RELN: variants seen among roughly 807,000 people sequenced by gnomAD.
The protein encoded by RELN is reelin.
RELN carries 108 observed loss-of-function variants against 427.6 expected under a neutral mutation model. That is an observed-to-expected ratio of 0.25 (90% CI 0.22 to 0.30). The LOEUF (loss-of-function observed/expected upper bound fraction) is 0.30, where lower values mean the gene tolerates loss of function less well. Among genes scored for constraint, RELN ranks in the 10% least tolerant of loss-of-function variants. The pLI is 1.00. For missense variants in RELN, 3,715 were observed against 4,302.8 expected (o/e 0.86, Z 3.82); for synonymous variants, 1,524 against 1,513.4 (o/e 1.01, Z -0.16).
At chr7:103,485,456 C>A (rs1828403154) in intron 61 of RELN, among the ~76,000 whole-genome samples, 1 of 152,154 alleles carries the variant, frequency 6.6e-6, no homozygotes, top group African/African-American at 2.4e-5. Context: ...ATTCTCATAG[C>A]TACTGAACAC....
At chr7:103,845,490 C>T (rs1199206110) in intron 2 of RELN, among the ~76,000 whole-genome samples, 1 of 152,214 alleles carries the variant, frequency 6.6e-6, no homozygotes, top group African/African-American at 2.4e-5. Flanking sequence ...CCACTCTCAA[C>T]ATTGTGGTTG....
rs1381921892 is a variant in RELN, at chr7:103,486,348, C to G, written c.9832G>C (p.Val3278Leu). 3.1e-6 allele frequency: 5 copies of G among 1,614,068 alleles called. No individual in the cohort carries two copies. The highest frequency in any genetic ancestry group is 3.3e-5 in the Admixed American group (2 of 60,000). The change falls in exon 61 of 65, where the codon GTC becomes CTC. Residue 3278 changes from valine to leucine, a missense_variant. Coordinates refer to ENST00000428762, the MANE Select transcript of RELN (RefSeq NM_005045.4). ...YIKDNFESAR[V>L]TEANWETIQG... ...ATGGTCTCCCAGTTTGCCTCGGTGA[C>G]TCTTGCGGACTCAAAATTATCTTTA...
chr7:103,972,947 T>C (rs1037306339), intron 1 of RELN, among the ~76,000 whole-genome samples: 11 of 150,156 alleles, frequency 7.3e-5, no homozygotes, highest in Admixed American at 6.0e-4. Flanking sequence ...AAAAACTTTA[T>C]GATTGACACC....
intron 2 of RELN, among the ~76,000 whole-genome samples, chr7:103,845,270 A>G (rs1021054577): frequency 6.6e-6 from 1 of 152,056 alleles, no homozygotes; most frequent in African/African-American, 2.4e-5. Context: ...GGCTCACTGC[A>G]ACCTCTGCTT....
intron 28 of RELN, among the ~76,000 whole-genome samples, chr7:103,585,235 A>G (rs1337183515): frequency 6.6e-6 from 1 of 152,192 alleles, no homozygotes; most frequent in Non-Finnish European, 1.5e-5. Flanking sequence ...ATTGAAACCA[A>G]GAAAAAGAAT....
At position 103,738,896 on chromosome 7, in the gene RELN, T is replaced by C. The variant is rs372598798; in HGVS notation, c.656+10530A>G. On this transcript the variant is annotated intron_variant, in intron 6 of 64. Transcript: ENST00000428762. ...CAGGGTTTCACCACGTTGGCCAGGA[T>C]GGTCTTGATATCTTGACCTTGTGAT... Among the ~76,000 whole-genome samples, 12 of 152,228 alleles carry C rather than the reference T, an allele frequency of 7.9e-5. No homozygotes were observed. The East Asian group carries it at 2.3e-3, about 29-fold the overall frequency.
At chr7:103,794,144 C>T (rs921225644) in intron 3 of RELN, among the ~76,000 whole-genome samples, 1 of 152,088 alleles carries the variant, frequency 6.6e-6, no homozygotes, top group Admixed American at 6.6e-5. Flanking sequence ...TGATACTAAA[C>T]TATCTAGACT....
chr7:103,917,295 T>C (rs1795506451), intron 1 of RELN, 110 bp from the exon 2 acceptor site: 1 of 840,816 alleles, frequency 1.2e-6, no homozygotes, highest in African/African-American at 1.7e-5. Context: ...ACAAATTATT[T>C]TTATACTATA....
intron 4 of RELN, among the ~76,000 whole-genome samples, chr7:103,771,965 T>C (rs566630138): frequency 2.0e-5 from 3 of 152,290 alleles, no homozygotes; most frequent in African/African-American, 7.2e-5. Context: ...TTAATTGTTC[T>C]ATCACTCTCC....
At chr7:103,538,134 G>C (rs747118117) in intron 45 of RELN, among the ~76,000 whole-genome samples, 8 of 152,148 alleles carry the variant, frequency 5.3e-5, no homozygotes, top group Non-Finnish European at 1.0e-4. Flanking sequence ...CTGTGTCTGA[G>C]GTAGAAAGAG....
intron 46 of RELN, among the ~76,000 whole-genome samples, chr7:103,527,015 T>C (rs1000427782): frequency 1.3e-5 from 2 of 152,190 alleles, no homozygotes; most frequent in Admixed American, 1.3e-4. Context: ...GTAGTAAGTG[T>C]TACATCAGTT....
intron 1 of RELN, among the ~76,000 whole-genome samples, chr7:103,963,136 T>TC (rs1796595617): frequency 6.7e-6 from 1 of 149,998 alleles, no homozygotes; most frequent in African/African-American, 2.5e-5. Flanking sequence ...TTCGCCTTCT[T>TC]TTTTTTTTCT....
chr7:103,703,540 G>A (rs1343290057), intron 8 of RELN, among the ~76,000 whole-genome samples: 1 of 152,142 alleles, frequency 6.6e-6, no homozygotes, highest in Admixed American at 6.6e-5. Context: ...ACCTTCTTAG[G>A]GAGTGAGGAG....
Position 103,950,281 on chromosome 7 carries a change from G to A in RELN, c.227-33096C>T, listed in dbSNP as rs1796307166. ...CAGGAATTTAACATATGAATTTGGG[G>A]AGGACATAAACATTCACACCACAGC... On this transcript the variant is annotated intron_variant, in intron 1 of 64. Coordinates refer to ENST00000428762, the MANE Select transcript of RELN (RefSeq NM_005045.4). Among the ~76,000 whole-genome samples, 3 of 152,054 alleles carry A rather than the reference G, an allele frequency of 2.0e-5. No individual in the cohort carries two copies. In the South Asian group the frequency reaches 6.2e-4, roughly 32 times the overall value.
chr7:103,542,431 G>GAAGTTAAAGT (rs1389449657), intron 43 of RELN, among the ~76,000 whole-genome samples: 1 of 152,206 alleles, frequency 6.6e-6, no homozygotes, highest in Non-Finnish European at 1.5e-5. Context: ...ATATTTTATT[G>GAAGTTAAAGT]AAGTTAAAGT....
chr7:103,776,332 A>G (rs753308140), intron 4 of RELN, among the ~76,000 whole-genome samples: 1 of 152,238 alleles, frequency 6.6e-6, no homozygotes, highest in Non-Finnish European at 1.5e-5. Context: ...ATTAGAAAAA[A>G]ATTATGAAAA....
At chr7:103,877,157 C>G (rs2283031) in intron 2 of RELN, among the ~76,000 whole-genome samples, 21,798 of 151,966 alleles carry the variant, frequency 0.14, 1,872 homozygotes, top group East Asian at 0.34. Context: ...TAACACACAC[C>G]TCACCTCTCT....
chr7:103,561,443 A>C (rs551225432), intron 36 of RELN, 89 bp downstream of exon 36: 1 of 1,027,086 alleles, frequency 9.7e-7, no homozygotes, highest in Non-Finnish European at 1.5e-6. Flanking sequence ...TCATTTGAAG[A>C]GATTCAGAAA....
chr7:103,490,902 T>C (rs1828628085), intron 58 of RELN, 73 bp from the exon 59 acceptor site: 3 of 1,469,976 alleles, frequency 2.0e-6, no homozygotes, highest in East Asian at 4.6e-5. Flanking sequence ...AAGGTAATGC[T>C]TTGTGATCGG....
Sources: allele counts gnomAD v4.1 joint callset (sites outside exome capture counted in the v4.1 genomes callset), GRCh38; gene constraint gnomAD v4.1.1; transcripts MANE v1.5; gene names NCBI Gene and HGNC (gene_info 2026-07-23, HGNC 2026-07-21).